ADAM12: variants seen among roughly 807,000 people sequenced by gnomAD.
ADAM12 encodes ADAM metallopeptidase domain 12.
In ADAM12, 70 loss-of-function variants were observed where a neutral mutation model predicts 106.4. The observed-to-expected ratio is 0.66, with a 90% CI of 0.54 to 0.80. ADAM12 has a LOEUF of 0.80. ADAM12 is among the 30% of genes least tolerant of loss of function. The pLI, the probability that ADAM12 is intolerant of heterozygous loss-of-function variation, is 0.00. For synonymous variants in ADAM12, 420 were observed against 433.5 expected (o/e 0.97, Z 0.39); for missense variants, 1,010 against 1,171.9 (o/e 0.86, Z 2.02).
intron 2 of ADAM12, among the ~76,000 whole-genome samples, chr10:126,294,790 C>T (rs1489107952): frequency 1.3e-5 from 2 of 152,010 alleles, no homozygotes; most frequent in Admixed American, 6.6e-5. Flanking sequence ...TCCTGAACTC[C>T]TACAGACAAA....
chr10:126,022,352 C>G (rs1297742147), intron 21 of ADAM12, among the ~76,000 whole-genome samples: 1 of 152,178 alleles, frequency 6.6e-6, no homozygotes, highest in Non-Finnish European at 1.5e-5. Context: ...GCGCAGGCAC[C>G]ATCTGCTTCC....
chr10:126,340,340 T>C (rs1854879942), intron 1 of ADAM12, among the ~76,000 whole-genome samples: 1 of 152,332 alleles, frequency 6.6e-6, no homozygotes, highest in Admixed American at 6.5e-5. Flanking sequence ...ATTAAGCAAT[T>C]GCTATGCAAG....
At chr10:126,231,692 C>T (rs550812783) in intron 3 of ADAM12, among the ~76,000 whole-genome samples, 1 of 152,274 alleles carries the variant, frequency 6.6e-6, no homozygotes, top group African/African-American at 2.4e-5. Flanking sequence ...CAAGGCCAGC[C>T]CACCACTCTC....
At chr10:126,113,828 C>T (rs1236150592) in intron 6 of ADAM12, among the ~76,000 whole-genome samples, 6 of 148,732 alleles carry the variant, frequency 4.0e-5, no homozygotes, top group African/African-American at 1.2e-4. Context: ...GCCATGCAGT[C>T]GTCCAGGTGA....
At chr10:126,041,413 C>T (rs1470683316) in intron 18 of ADAM12, 13 of 985,698 alleles carry the variant, frequency 1.3e-5, no homozygotes, top group Non-Finnish European at 1.6e-5. Flanking sequence ...ACATTGTTTT[C>T]ACTTTTTAAC....
intron 3 of ADAM12, among the ~76,000 whole-genome samples, chr10:126,175,181 C>T (rs1203443558): frequency 1.3e-5 from 2 of 152,182 alleles, no homozygotes; most frequent in Non-Finnish European, 2.9e-5. Flanking sequence ...AGCTGAACAG[C>T]ACAGCACACA....
chr10:126,249,089 G>A (rs757471829), intron 3 of ADAM12, among the ~76,000 whole-genome samples: 2 of 152,138 alleles, frequency 1.3e-5, no homozygotes, highest in African/African-American at 2.4e-5. Context: ...AGGAAACTGA[G>A]GCACAGAGAA....
intron 4 of ADAM12, among the ~76,000 whole-genome samples, chr10:126,143,747 A>C (rs78290457): frequency 0.11 from 16,117 of 151,810 alleles, 960 homozygotes; most frequent in Admixed American, 0.13. Context: ...TTGTGTGTAT[A>C]TGGGTGTGTA....
At chr10:126,081,373 A>T (rs1955212149) in intron 11 of ADAM12, among the ~76,000 whole-genome samples, 1 of 105,198 alleles carries the variant, frequency 9.5e-6, no homozygotes. Context: ...GTTTAAACTG[A>T]TTGGGGGAAA....
At chr10:126,352,491 A>G (rs952679712) in intron 1 of ADAM12, among the ~76,000 whole-genome samples, 2 of 152,218 alleles carry the variant, frequency 1.3e-5, no homozygotes, top group Admixed American at 6.5e-5. Context: ...GGTGATATAC[A>G]TTTATTAAAA....
At chr10:126,199,954 G>C (rs1360384575) in intron 3 of ADAM12, among the ~76,000 whole-genome samples, 3 of 152,126 alleles carry the variant, frequency 2.0e-5, no homozygotes, top group African/African-American at 7.2e-5. Flanking sequence ...ACAAAATACA[G>C]GCACTCAATG....
chr10:126,317,593 G>A (rs1853925417), intron 2 of ADAM12, among the ~76,000 whole-genome samples: 1 of 138,050 alleles, frequency 7.2e-6, no homozygotes, highest in South Asian at 2.6e-4. Flanking sequence ...ATACTGAAGA[G>A]TTGGGAATTA....
At chr10:126,334,814 C>T (rs1286395619) in intron 1 of ADAM12, among the ~76,000 whole-genome samples, 6 of 152,176 alleles carry the variant, frequency 3.9e-5, no homozygotes, top group South Asian at 2.1e-4. Flanking sequence ...CTCCATTTCA[C>T]AAGAGGTGGA....
chr10:126,106,730 C>A (rs370257845), intron 8 of ADAM12, among the ~76,000 whole-genome samples: 1 of 152,186 alleles, frequency 6.6e-6, no homozygotes, highest in East Asian at 1.9e-4. Flanking sequence ...GTGATCCGCC[C>A]GCCTCGGCCT....
In ADAM12 at chr10:126,049,195, T is replaced by G; in HGVS notation, c.1917+58A>C. On this transcript the variant is annotated intron_variant, in intron 16 of 22. Transcript: ENST00000448723. The surrounding 1 kb of genome is among the most constrained non-coding windows in gnomAD (Gnocchi z 4.4). ...CCTTGTAACCCAGTTCTTGCTGTTT[T>G]TCAATGGGCCCTGTTCCAGACTTAC... 6.3e-7 allele frequency: 1 copy of G among 1,597,798 alleles called. No homozygotes were observed. The highest frequency in any genetic ancestry group is 8.5e-7 in the Non-Finnish European group (1 of 1,170,244).
chr10:126,312,207 T>G (rs566989494), intron 2 of ADAM12, among the ~76,000 whole-genome samples: 2 of 151,680 alleles, frequency 1.3e-5, no homozygotes, highest in East Asian at 3.9e-4. Context: ...GGTTTGCATT[T>G]TCTGTACAGC....
At chr10:126,128,692 G>C (rs550548405) in intron 5 of ADAM12, among the ~76,000 whole-genome samples, 1 of 144,908 alleles carries the variant, frequency 6.9e-6, no homozygotes, top group African/African-American at 2.8e-5. Flanking sequence ...TGTGGTGTGT[G>C]TGTGGGAATG....
chr10:126,119,833 G>T (rs969803700), intron 5 of ADAM12, among the ~76,000 whole-genome samples: 5 of 152,180 alleles, frequency 3.3e-5, no homozygotes, highest in Admixed American at 3.3e-4. Context: ...TCCTTCAAAC[G>T]ATGGGAACCT....
At chr10:126,363,012 T>C (rs1041558973) in intron 1 of ADAM12, among the ~76,000 whole-genome samples, 18 of 152,330 alleles carry the variant, frequency 1.2e-4, no homozygotes, top group African/African-American at 4.3e-4. Context: ...AATTATTCCA[T>C]GTTGTATTTA....
Sources: gnomAD v4.1 joint callset for allele counts (sites outside exome capture counted in the v4.1 genomes callset) on GRCh38, gnomAD v4.1.1 for gene constraint, Gnocchi (gnomAD v3.1) non-coding constraint, MANE v1.5 for transcripts, NCBI Gene and HGNC (gene_info 2026-07-23, HGNC 2026-07-21) for gene names.